Variants in GPC5 observed in about 807,000 individuals in gnomAD.
The protein encoded by GPC5 is glypican 5, also known as glypican-5.
A neutral mutation model predicts 53.9 loss-of-function variants in GPC5; 47 were observed. The observed-to-expected ratio is 0.87, with a 90% confidence interval of 0.69 to 1.11. The LOEUF is 1.11. Among genes scored for constraint, GPC5 ranks in the 50% most tolerant of loss-of-function variants. The pLI, the probability that GPC5 is intolerant of heterozygous loss-of-function variation, is 0.00. For synonymous variants in GPC5, 286 were observed against 263.3 expected, an observed-to-expected ratio of 1.09 and a Z score of -0.84; for missense variants, 748 against 713.1, an observed-to-expected ratio of 1.05 and a Z score of -0.56.
At chr13:92,056,638 T>C (rs1209792840) in intron 6 of GPC5, among the ~76,000 whole-genome samples, 1 of 152,176 alleles carries the variant, frequency 6.6e-6, no homozygotes, top group African/African-American at 2.4e-5. Flanking sequence ...CACTAACATA[T>C]TTTTTAAATG....
At chr13:92,410,793 AT>A (rs1386337815) in intron 7 of GPC5, among the ~76,000 whole-genome samples, 1 of 152,206 alleles carries the variant, frequency 6.6e-6, no homozygotes, top group Admixed American at 6.5e-5. Flanking sequence ...TTAAAGTATG[AT>A]TTTTTGCTAA....
chr13:92,821,886 G>C (rs1189749659), intron 7 of GPC5, among the ~76,000 whole-genome samples: 2 of 152,064 alleles, frequency 1.3e-5, no homozygotes, highest in Non-Finnish European at 1.5e-5. Flanking sequence ...TTGTAAGCCA[G>C]AGATTTTGTA....
chr13:92,732,136 T>G (rs2139300235), intron 7 of GPC5, among the ~76,000 whole-genome samples: 1 of 151,582 alleles, frequency 6.6e-6, no homozygotes, highest in Non-Finnish European at 1.5e-5. Context: ...GACTTTTTAC[T>G]TAGAAAAAGA....
chr13:92,647,902 TGAAAG>T (rs1319101496), intron 7 of GPC5, among the ~76,000 whole-genome samples: 1 of 152,058 alleles, frequency 6.6e-6, no homozygotes, highest in African/African-American at 2.4e-5. Context: ...TCTAATATGA[TGAAAG>T]GAAAACATGA....
intron 7 of GPC5, among the ~76,000 whole-genome samples, chr13:92,744,925 T>C (rs1889203687): frequency 6.6e-6 from 1 of 152,082 alleles, no homozygotes; most frequent in Non-Finnish European, 1.5e-5. Context: ...ACTTTATAAC[T>C]GTGTTTACCA....
intron 7 of GPC5, among the ~76,000 whole-genome samples, chr13:92,182,269 A>G (rs1414185380): frequency 6.6e-6 from 1 of 152,176 alleles, no homozygotes; most frequent in Non-Finnish European, 1.5e-5. Flanking sequence ...GAAAAATGTC[A>G]CCCAGAAGCT....
At chr13:91,642,298 G>A (rs1289017591) in intron 2 of GPC5, among the ~76,000 whole-genome samples, 1 of 152,134 alleles carries the variant, frequency 6.6e-6, no homozygotes, top group Non-Finnish European at 1.5e-5. Context: ...TGAAGCTATG[G>A]TTTTAATAAA....
chr13:92,138,658 G>C (rs909960749), intron 6 of GPC5, among the ~76,000 whole-genome samples: 2 of 152,168 alleles, frequency 1.3e-5, no homozygotes, highest in African/African-American at 4.8e-5. Context: ...TGTTATTAAA[G>C]GTTTGTTGGG....
intron 5 of GPC5, among the ~76,000 whole-genome samples, chr13:91,845,200 TTTTTG>T (rs66884711): frequency 0.34 from 48,998 of 145,010 alleles, 9,317 homozygotes; most frequent in East Asian, 0.64. Context: ...TATGTTTCTA[TTTTTG>T]TTTTAAGTAT....
chr13:91,427,902 A>T (rs1355775695), intron 1 of GPC5, among the ~76,000 whole-genome samples: 2 of 151,976 alleles, frequency 1.3e-5, no homozygotes, highest in South Asian at 2.1e-4. Context: ...GTTTTTTTAA[A>T]TGGTAGTTTT....
intron 3 of GPC5, among the ~76,000 whole-genome samples, chr13:91,701,988 T>C (rs2036003667): frequency 6.6e-6 from 1 of 152,154 alleles, no homozygotes; most frequent in Non-Finnish European, 1.5e-5. Flanking sequence ...TAATATCCAT[T>C]CTAACAGATT....
Position 92,867,124 on chromosome 13 carries a change from T to C in GPC5, c.*685T>C, listed in dbSNP as rs1438671371. ...CATTATATTCAAAATGCATCTTTGG[T>C]ATTGTGCCTCTGCTCCCATCTCTCT... On this transcript the variant is annotated 3_prime_UTR_variant, in exon 8 of 8. Transcript: ENST00000377067. The C allele has an allele frequency of 1.3e-5, 2 of 152,112 alleles. No individual in the cohort carries two copies. The highest frequency in any genetic ancestry group is 4.8e-5 in the African/African-American group (2 of 41,448). 9.4% of individuals were successfully genotyped at this position (152,112 alleles called of 1,614,324 possible).
At chr13:91,932,049 A>G (rs1382575034) in intron 6 of GPC5, among the ~76,000 whole-genome samples, 1 of 147,650 alleles carries the variant, frequency 6.8e-6, no homozygotes, top group African/African-American at 2.7e-5. Context: ...AATTAAAGCA[A>G]AAAAGTCCAC....
chr13:92,125,626 A>G (rs1301279509), intron 6 of GPC5, among the ~76,000 whole-genome samples: 1 of 152,170 alleles, frequency 6.6e-6, no homozygotes, highest in Admixed American at 6.5e-5. Flanking sequence ...CAAGATGTTT[A>G]GTTCAAGTCA....
intron 7 of GPC5, among the ~76,000 whole-genome samples, chr13:92,345,767 C>G (rs2139256473): frequency 6.6e-6 from 1 of 152,166 alleles, no homozygotes; most frequent in East Asian, 1.9e-4. Flanking sequence ...TGAGACACTT[C>G]CCAGAAAGCC....
At chr13:92,260,667 T>TAGGG (rs2042760014) in intron 7 of GPC5, among the ~76,000 whole-genome samples, 1 of 152,314 alleles carries the variant, frequency 6.6e-6, no homozygotes, top group African/African-American at 2.4e-5. Context: ...AGGAAATAAG[T>TAGGG]AGGGTGGGTT....
At chr13:92,490,250 C>T (rs987883720) in intron 7 of GPC5, 17 of 154,210 alleles carry the variant, frequency 1.1e-4, no homozygotes, top group African/African-American at 3.9e-4. Flanking sequence ...ATCTCATTAT[C>T]GTCTAGATTC....
intron 7 of GPC5, among the ~76,000 whole-genome samples, chr13:92,455,089 G>A (rs1409855962): frequency 2.0e-5 from 3 of 152,080 alleles, no homozygotes; most frequent in African/African-American, 7.2e-5. Flanking sequence ...AATGGAAGAG[G>A]CCTCATTTTT....
chr13:92,699,526 GCGATTTTAGA>G (rs1302211243), intron 7 of GPC5, among the ~76,000 whole-genome samples: 2 of 151,732 alleles, frequency 1.3e-5, no homozygotes, highest in Non-Finnish European at 2.9e-5. Context: ...TGTTAGGGTG[GCGATTTTAGA>G]TCTTTCCTGC....
Sources: gnomAD v4.1 joint callset for allele counts (sites outside exome capture counted in the v4.1 genomes callset) on GRCh38, gnomAD v4.1.1 for gene constraint, MANE v1.5 for transcripts, NCBI Gene and HGNC (gene_info 2026-07-23, HGNC 2026-07-21) for gene names.